The following ARHGAP39 variants were observed in gnomAD, a reference collection of about 807,000 sequenced individuals.
ARHGAP39 encodes Rho GTPase activating protein 39, also known as rho GTPase-activating protein 39.
Under a neutral mutation model 106.9 loss-of-function variants are expected in ARHGAP39, and 44 were observed. The observed-to-expected ratio is 0.41, with a 90% CI of 0.32 to 0.53. ARHGAP39 has a LOEUF of 0.53. Ranked by LOEUF, ARHGAP39 falls within the 20% of genes least tolerant of loss-of-function variation. The pLI is 0.21. For missense variants in ARHGAP39, 1,496 were observed against 1,577.3 expected (o/e 0.95, Z 0.87); for synonymous variants, 768 against 693.2 (o/e 1.11, Z -1.69).
intron 3 of ARHGAP39, among the ~76,000 whole-genome samples, chr8:144,561,987 A>C (rs936013197): frequency 6.8e-6 from 1 of 147,644 alleles, no homozygotes; most frequent in African/African-American, 2.6e-5. Flanking sequence ...ATCGGACCCC[A>C]GTGGTTTCCA....
rs1817577996 is a variant in ARHGAP39, at chr8:144,548,619, T to TG, written c.597-131dup. 1 of 1,292,748 alleles carries TG rather than the reference T, an allele frequency of 7.7e-7. No homozygotes were observed. Among genetic ancestry groups the TG allele is most frequent in the African/African-American group, 1.5e-5 (1 of 66,502 alleles). The allele number at this position is 1,292,748 out of a possible 1,614,324, so 80.1% of individuals were successfully genotyped here. ...GTACACCTTCCTCGCTGGGGCCCTG[T>TG]GGCCTGGCGCCCCTCACACCTGCCT... On this transcript the variant is annotated intron_variant, in intron 4 of 11. Coordinates refer to ENST00000377307, the MANE Select transcript of ARHGAP39 (RefSeq NM_025251.3). The surrounding 1 kb of genome is among the most constrained non-coding windows in gnomAD (Gnocchi z 7.4).
chr8:144,609,010 T>A (rs181799396), intron 1 of ARHGAP39, among the ~76,000 whole-genome samples: 74 of 152,344 alleles, frequency 4.9e-4, no homozygotes, highest in African/African-American at 1.7e-3. Context: ...ATAAAAAGTT[T>A]TACTTCTTCC....
intron 1 of ARHGAP39, among the ~76,000 whole-genome samples, chr8:144,621,213 T>C (rs916200826): frequency 8.5e-5 from 13 of 152,266 alleles, no homozygotes; most frequent in Admixed American, 2.0e-4. Context: ...CTCTCAGAAG[T>C]TGTGCAAAGG....
Position 144,605,636 on chromosome 8 carries a change from C to A in ARHGAP39, c.-22G>T, listed in dbSNP as rs201501799. ...ACATCGCTGTTTGCTTCCGCGCCCA[C>A]GTGGACAGACGTCAGGGCACCATAC... On this transcript the variant is annotated 5_prime_UTR_variant, in exon 2 of 12. Coordinates refer to ENST00000377307, the MANE Select transcript of ARHGAP39 (RefSeq NM_025251.3). 18 of 1,610,758 alleles carry A rather than the reference C, an allele frequency of 1.1e-5. No homozygotes were observed. Among genetic ancestry groups the A allele is most frequent in the African/African-American group, 2.7e-5 (2 of 74,932 alleles).
upstream of ARHGAP39, among the ~76,000 whole-genome samples, chr8:144,688,324 C>G (rs906395595): frequency 2.6e-5 from 4 of 152,164 alleles, no homozygotes; most frequent in Non-Finnish European, 5.9e-5. Context: ...AGGCTCCTCT[C>G]AAACTCCTGA....
rs1168703737 is a variant in ARHGAP39 at position 144,647,306 on chromosome 8, T to C, written c.-82+38380A>G. ...TTAAAGCTCGAGCATGTGGCCCCAG[T>C]AAGAGCAGGGAAGGGACGAACAGCC... On this transcript the variant is annotated intron_variant, in intron 1 of 11. Transcript: ENST00000377307. The surrounding 1 kb of genome is among the most constrained non-coding windows in gnomAD (Gnocchi z 4.8). 6.6e-6 allele frequency among the ~76,000 whole-genome samples: 1 copy of C among 151,970 alleles called. No individual in the cohort carries two copies. The highest frequency in any genetic ancestry group is 2.4e-5 in the African/African-American group (1 of 41,356).
rs190379385 is a variant in ARHGAP39 at position 144,662,840 on chromosome 8, C to T, written c.-82+22846G>A. On this transcript the variant is annotated intron_variant, in intron 1 of 11. Transcript: ENST00000377307. Reference sequence around the variant, plus strand: ...CCCATCCCCATTAGCCACCTTAAACCGCTCACCACTCCCCATTATCCACCT... The same window carrying T: ...CCCATCCCCATTAGCCACCTTAAACTGCTCACCACTCCCCATTATCCACCT... Among the ~76,000 whole-genome samples the T allele has an allele frequency of 3.6e-3, 508 of 141,560 alleles. 4 individuals carry two copies. Among genetic ancestry groups the T allele is most frequent in the African/African-American group, 0.013 (469 of 37,462 alleles). The allele number at this position is 141,560 out of a possible 152,430, so 92.9% of individuals were successfully genotyped here.
intron 2 of ARHGAP39, 46 bp downstream of exon 2, chr8:144,605,489 C>T (rs749182354): frequency 6.3e-7 from 1 of 1,588,946 alleles, no homozygotes; most frequent in Non-Finnish European, 8.6e-7. Context: ...GCAGTTCCAC[C>T]CACTCGTGAG....
chr8:144,578,669 G>A (rs1586572796), intron 3 of ARHGAP39, among the ~76,000 whole-genome samples: 1 of 152,064 alleles, frequency 6.6e-6, no homozygotes, highest in South Asian at 2.1e-4. Flanking sequence ...GCAACATAGT[G>A]AAACCCCAAT....
chr8:144,681,988 G>T (rs1239916865), intron 1 of ARHGAP39, among the ~76,000 whole-genome samples: 1 of 152,212 alleles, frequency 6.6e-6, no homozygotes, highest in African/African-American at 2.4e-5. Context: ...TTACTTCTCG[G>T]CCGGGTGCGG....
At chr8:144,635,608 C>T (rs1311243095) in intron 1 of ARHGAP39, among the ~76,000 whole-genome samples, 1 of 152,206 alleles carries the variant, frequency 6.6e-6, no homozygotes, top group Non-Finnish European at 1.5e-5. Flanking sequence ...GGTCAGAGCT[C>T]GGGTGAATTA....
rs189764669 is a variant in ARHGAP39, at chr8:144,575,259, C to T, written c.512+5587G>A. ...CCTAACTTGACAACCCTGTACACTT[C>T]GGCCACACTCAATTCATTTAAAACT... On this transcript the variant is annotated intron_variant, in intron 3 of 11. Transcript: ENST00000377307. 2.2e-4 allele frequency among the ~76,000 whole-genome samples: 34 copies of T among 152,258 alleles called. 1 individual carries two copies. Among genetic ancestry groups the T allele is most frequent in the Admixed American group, 1.6e-3 (25 of 15,286 alleles).
chr8:144,549,834 G>T (rs1464132104), intron 4 of ARHGAP39, among the ~76,000 whole-genome samples: 19 of 152,176 alleles, frequency 1.2e-4, no homozygotes, highest in Non-Finnish European at 5.9e-5. Context: ...CCCATTGCTT[G>T]GCAGCTCCAC....
chr8:144,699,651 C>G, the ARHGAP39 span, among the ~76,000 whole-genome samples: 7 of 20,662 alleles, frequency 3.4e-4, no homozygotes, highest in Non-Finnish European at 6.2e-4. Flanking sequence ...TGGTGGGCTA[C>G]GGGACGGGAG....
At chr8:144,559,052 T>TA (rs1818046602) in intron 3 of ARHGAP39, among the ~76,000 whole-genome samples, 1 of 151,738 alleles carries the variant, frequency 6.6e-6, no homozygotes, top group Non-Finnish European at 1.5e-5. Context: ...ATTAAAAATA[T>TA]AAAAAATTAG....
chr8:144,698,315 A>G, the ARHGAP39 span, among the ~76,000 whole-genome samples: 1 of 152,146 alleles, frequency 6.6e-6, no homozygotes, highest in Non-Finnish European at 1.5e-5. Flanking sequence ...TCACCAGTAG[A>G]TACTGGTGCC....
At chr8:144,630,009 G>A (rs1028677588) in intron 1 of ARHGAP39, among the ~76,000 whole-genome samples, 1 of 152,190 alleles carries the variant, frequency 6.6e-6, no homozygotes, top group African/African-American at 2.4e-5. Flanking sequence ...ACTTCTTACT[G>A]AGAGACAGGC....
Position 144,532,359 on chromosome 8 carries a change from G to A in ARHGAP39, c.2926C>T (p.Leu976=). The A allele has an allele frequency of 6.2e-7, 1 of 1,612,964 alleles. No homozygotes were observed. The highest frequency in any genetic ancestry group is 1.1e-5 in the South Asian group (1 of 91,074). The change falls in exon 10 of 12, where the codon CTG becomes TTG. Residue 976 remains leucine, a synonymous_variant. Coordinates refer to ENST00000377307, the MANE Select transcript of ARHGAP39 (RefSeq NM_025251.3). ...GDIDEVNALK[L]QVDQWKVPTG... ...GGCACCTTCCACTGGTCCACCTGCA[G>A]CTTCAGGGCATTCACCTCGTCAATG... is the stretch of plus-strand genomic sequence containing the variant.
intron 2 of ARHGAP39, 112 bp from the exon 3 acceptor site, chr8:144,581,389 T>C (rs11997029): frequency 0.038 from 46,668 of 1,220,666 alleles, 3,687 homozygotes; most frequent in African/African-American, 0.3. Flanking sequence ...AATCCTGTCA[T>C]AGAGGAAAGC....
Sources: gnomAD v4.1 joint callset for allele counts (sites outside exome capture counted in the v4.1 genomes callset) on GRCh38, gnomAD v4.1.1 for gene constraint, Gnocchi (gnomAD v3.1) non-coding constraint, MANE v1.5 for transcripts, NCBI Gene and HGNC (gene_info 2026-07-23, HGNC 2026-07-21) for gene names.